Variants in ARPC4 observed in about 807,000 individuals in gnomAD.
ARPC4 encodes the protein actin-related protein 2/3 complex subunit 4.
ARPC4 carries 3 observed loss-of-function variants against 22.8 expected under a neutral mutation model. The observed-to-expected ratio is 0.13, with a 90% confidence interval of 0.06 to 0.34. ARPC4 has a LOEUF of 0.34. Ranked by LOEUF, ARPC4 falls within the 10% of genes least tolerant of loss-of-function variation. The pLI is 1.00. For missense variants in ARPC4, 98 were observed against 211.0 expected, an observed-to-expected ratio of 0.46 and a Z score of 3.32; for synonymous variants, 80 against 72.5, an observed-to-expected ratio of 1.10 and a Z score of -0.52.
intron 3 of ARPC4, among the ~76,000 whole-genome samples, 167 bp downstream of exon 3, chr3:9,800,463 C>T (rs1245011259): frequency 1.3e-5 from 2 of 152,098 alleles, no homozygotes; most frequent in Non-Finnish European, 1.5e-5. Context: ...TCACTCTTGT[C>T]GCCCAGGCTG....
chr3:9,801,084 G>A (rs925147741), intron 3 of ARPC4, among the ~76,000 whole-genome samples: 5 of 151,794 alleles, frequency 3.3e-5, no homozygotes, highest in East Asian at 1.9e-4. Context: ...GGTGGCACGC[G>A]CCTGTAATCC....
upstream of ARPC4, chr3:9,792,620 C>G (rs2078766327): frequency 8.1e-7 from 1 of 1,230,418 alleles, no homozygotes; most frequent in South Asian, 4.0e-5. Flanking sequence ...AGGCGAGCCC[C>G]GGGGCACAGC....
intron 1 of ARPC4, among the ~76,000 whole-genome samples, chr3:9,794,234 T>C (rs1422577177): frequency 1.3e-5 from 2 of 152,154 alleles, no homozygotes; most frequent in African/African-American, 4.8e-5. Flanking sequence ...GCGTGGTGGC[T>C]CACGCTTGTA....
upstream of ARPC4, chr3:9,792,625 C>A (rs577530829): frequency 2.6e-4 from 325 of 1,230,908 alleles, 4 homozygotes; most frequent in African/African-American, 4.8e-3. Context: ...AGCCCCGGGG[C>A]ACAGCCCGGG....
upstream of ARPC4, chr3:9,792,548 G>T (rs1032463918): frequency 8.1e-7 from 1 of 1,227,388 alleles, no homozygotes; most frequent in Non-Finnish European, 1.0e-6. Flanking sequence ...AGTTTGCCGG[G>T]GGTGGGAAGA....
chr3:9,802,397 A>G (rs1376795194), intron 4 of ARPC4, among the ~76,000 whole-genome samples: 2 of 147,004 alleles, frequency 1.4e-5, no homozygotes, highest in Admixed American at 1.4e-4. Context: ...TTTCTTTGAG[A>G]CGGAGTCTCG....
chr3:9,800,388 G>GCCAGATT (rs1256638712), intron 3 of ARPC4, 92 bp downstream of exon 3: 3 of 1,218,354 alleles, frequency 2.5e-6, no homozygotes, highest in Admixed American at 2.2e-5. Flanking sequence ...AGATCAGTGT[G>GCCAGATT]CCAGATTCCA....
intron 4 of ARPC4, 81 bp downstream of exon 4, chr3:9,801,837 C>A: frequency 7.2e-7 from 1 of 1,387,394 alleles, no homozygotes; most frequent in Non-Finnish European, 9.8e-7. Context: ...GAACCAGCTA[C>A]TCCAGCTGTT....
At chr3:9,795,216 T>A (rs182245004) in intron 1 of ARPC4, among the ~76,000 whole-genome samples, 3 of 152,226 alleles carry the variant, frequency 2.0e-5, no homozygotes, top group Non-Finnish European at 2.9e-5. Flanking sequence ...GCCAGGCTGG[T>A]CTTGAACTCC....
chr3:9,800,113 G>A, intron 2 of ARPC4, 72 bp from the exon 3 acceptor site: 1 of 1,487,998 alleles, frequency 6.7e-7, no homozygotes, highest in Non-Finnish European at 9.2e-7. Context: ...AGTGATTCCA[G>A]GACCTGCGTG....
chr3:9,792,955 T>A, upstream of ARPC4: 1 of 1,411,336 alleles, frequency 7.1e-7, no homozygotes. Context: ...GGTGGAAAAC[T>A]TCCGGAAGGC....
At chr3:9,797,618 CAG>C in intron 1 of ARPC4, 39 bp from the exon 2 acceptor site, 1 of 1,595,858 alleles carries the variant, frequency 6.3e-7, no homozygotes, top group Non-Finnish European at 8.6e-7. Flanking sequence ...TTTGGCGTGA[CAG>C]ATTTTGATCT....
chr3:9,796,424 C>T (rs1278285219), intron 1 of ARPC4, among the ~76,000 whole-genome samples: 1 of 152,138 alleles, frequency 6.6e-6, no homozygotes, highest in Non-Finnish European at 1.5e-5. Flanking sequence ...ACATGAAAGA[C>T]ATTTTTTTGT....
At chr3:9,803,099 G>A (rs2079046998) in intron 4 of ARPC4, among the ~76,000 whole-genome samples, 1 of 151,758 alleles carries the variant, frequency 6.6e-6, no homozygotes, top group Non-Finnish European at 1.5e-5. Flanking sequence ...TAGCCAGGAT[G>A]GTCTTGATCT....
intron 5 of ARPC4, among the ~76,000 whole-genome samples, chr3:9,805,063 T>C (rs998590208): frequency 1.3e-5 from 2 of 152,218 alleles, no homozygotes; most frequent in Non-Finnish European, 2.9e-5. Flanking sequence ...TAGTAAGCTT[T>C]CCGTGTATTG....
Position 9,803,853 on chromosome 3 carries a change from T to C in ARPC4, c.341T>C (p.Ile114Thr). Residue 114 changes from isoleucine (I) to threonine (T), a missense_variant, in exon 5 of 6, where the codon ATC becomes ACC. Physicochemically the swap from Ile to Thr is moderately conservative, Grantham distance 89. Transcript: ENST00000397261. ...TGTCTTCTTCCCTAGGGGTATGATATCAGCTTTCTGATCACCAACTTCCAC... is the reference window on the plus strand; with the variant it reads ...TGTCTTCTTCCCTAGGGGTATGATACCAGCTTTCTGATCACCAACTTCCAC... ...LRRKPVEGYD[I>T]SFLITNFHTE... is the part of the protein sequence containing the mutation. 6.2e-7 allele frequency: 1 copy of C among 1,614,094 alleles called. No individual in the cohort carries two copies. Among genetic ancestry groups the C allele is most frequent in the Non-Finnish European group, 8.5e-7 (1 of 1,179,944 alleles).
At chr3:9,801,789 C>T (rs781429440) in intron 4 of ARPC4, 33 bp downstream of exon 4, 1 of 1,559,628 alleles carries the variant, frequency 6.4e-7, no homozygotes, top group South Asian at 1.2e-5. Flanking sequence ...TTTGCGATAC[C>T]CAGGACCCTG....
intron 2 of ARPC4, 119 bp from the exon 3 acceptor site, chr3:9,800,066 T>C (rs1389162745): frequency 1.0e-6 from 1 of 976,996 alleles, no homozygotes; most frequent in Non-Finnish European, 1.5e-6. Context: ...GCACTCCTGC[T>C]TGTGAGTCTT....
intron 4 of ARPC4, 76 bp from the exon 5 acceptor site, chr3:9,803,767 G>T: frequency 2.0e-6 from 3 of 1,464,240 alleles, no homozygotes; most frequent in South Asian, 2.5e-5. Context: ...TGGAGGACAT[G>T]ACCAGCTCAG....
Sources: gnomAD v4.1 joint callset for allele counts (sites outside exome capture counted in the v4.1 genomes callset) on GRCh38, gnomAD v4.1.1 for gene constraint, MANE v1.5 for transcripts, NCBI Gene and HGNC (gene_info 2026-07-23, HGNC 2026-07-21) for gene names.